The following GRM8 variants were observed in gnomAD, a reference collection of about 807,000 sequenced individuals.
The protein encoded by GRM8 is glutamate metabotropic receptor 8.
In GRM8, 47 loss-of-function variants were observed where a neutral mutation model predicts 87.2. That is an observed-to-expected ratio of 0.54 (90% CI 0.43 to 0.69). The LOEUF is 0.69. GRM8 is among the 30% of genes least tolerant of loss of function. The probability of loss-of-function intolerance (pLI) is 0.00; values close to 1 mark genes in which losing one functional copy is unlikely to be tolerated. For missense variants in GRM8, 1,019 were observed against 1,139.2 expected (o/e 0.89, Z 1.52); for synonymous variants, 396 against 404.5 (o/e 0.98, Z 0.25).
chr7:127,246,024 C>T (rs1292951933), intron 1 of GRM8, among the ~76,000 whole-genome samples: 2 of 152,064 alleles, frequency 1.3e-5, no homozygotes, highest in African/African-American at 4.8e-5. Flanking sequence ...TACTGAATTT[C>T]GTTTGTCACT....
chr7:126,474,188 G>C (rs1805630519), intron 9 of GRM8, among the ~76,000 whole-genome samples: 1 of 151,990 alleles, frequency 6.6e-6, no homozygotes, highest in Admixed American at 6.6e-5. Context: ...CAACTAAAAA[G>C]TATTTGCAAA....
At chr7:126,667,319 G>A (rs1200599293) in intron 7 of GRM8, among the ~76,000 whole-genome samples, 5 of 152,184 alleles carry the variant, frequency 3.3e-5, no homozygotes, top group Non-Finnish European at 5.9e-5. Context: ...GGAAGTAGCA[G>A]GAAGCAGGAT....
At chr7:126,715,327 AATT>A (rs1369141018) in intron 7 of GRM8, among the ~76,000 whole-genome samples, 1 of 152,150 alleles carries the variant, frequency 6.6e-6, no homozygotes, top group East Asian at 1.9e-4. Flanking sequence ...GTGGTTACAA[AATT>A]ATTACAGTAG....
chr7:126,455,427 TG>T (rs1803119310), intron 9 of GRM8, among the ~76,000 whole-genome samples: 1 of 151,492 alleles, frequency 6.6e-6, no homozygotes, highest in Admixed American at 6.6e-5. Flanking sequence ...CTAATAGATT[TG>T]GGCCAAATTT....
At chr7:126,586,778 T>G (rs1265679206) in intron 8 of GRM8, among the ~76,000 whole-genome samples, 3 of 152,254 alleles carry the variant, frequency 2.0e-5, no homozygotes, top group Non-Finnish European at 4.4e-5. Context: ...GGGCAAGGAC[T>G]TCATGTCTAA....
intron 6 of GRM8, among the ~76,000 whole-genome samples, chr7:126,853,559 T>G (rs143389497): frequency 6.1e-4 from 93 of 152,178 alleles, no homozygotes; most frequent in African/African-American, 2.2e-3. Flanking sequence ...GCATGACCCA[T>G]TCTACATAAG....
intron 3 of GRM8, among the ~76,000 whole-genome samples, chr7:127,033,009 C>T (rs1264811836): frequency 4.3e-5 from 6 of 139,952 alleles, no homozygotes; most frequent in Admixed American, 2.2e-4. Flanking sequence ...CTTTCGTTTC[C>T]TTTTTTTTTT....
chr7:126,976,935 G>A (rs1272890594), intron 3 of GRM8, among the ~76,000 whole-genome samples: 1 of 150,664 alleles, frequency 6.6e-6, no homozygotes, highest in African/African-American at 2.4e-5. Flanking sequence ...CCTTGATTTA[G>A]TTGCATAATG....
At chr7:127,182,280 C>T (rs1183308571) in intron 2 of GRM8, among the ~76,000 whole-genome samples, 1 of 152,012 alleles carries the variant, frequency 6.6e-6, no homozygotes, top group Non-Finnish European at 1.5e-5. Context: ...AAATGCAAAC[C>T]AAAACCACAA....
rs11395818 is a variant in GRM8, at chr7:126,987,445, G to GTT, written c.728-82764_728-82763dup. 8.2e-3 allele frequency among the ~76,000 whole-genome samples: 1,213 copies of GTT among 148,570 alleles called. 35 individuals carry two copies. In the East Asian group the frequency reaches 0.11, roughly 13 times the overall value. The stretch of plus-strand genomic sequence containing the variant: ...GGACAAGAAGCATATCTTGTTCACA[G>GTT]TTTTTTTTTTTGTTTTTTGTTTGTT... On this transcript the variant is annotated intron_variant, in intron 3 of 10. Coordinates refer to ENST00000339582, the MANE Select transcript of GRM8 (RefSeq NM_000845.3).
chr7:126,590,652 C>G (rs1796588703), intron 8 of GRM8, among the ~76,000 whole-genome samples: 1 of 152,066 alleles, frequency 6.6e-6, no homozygotes, highest in African/African-American at 2.4e-5. Flanking sequence ...AAAGGAAAAC[C>G]TATCAGATTA....
At chr7:127,181,427 CA>C (rs1405941892) in intron 2 of GRM8, among the ~76,000 whole-genome samples, 1 of 151,954 alleles carries the variant, frequency 6.6e-6, no homozygotes, top group African/African-American at 2.4e-5. Flanking sequence ...CTGCCAAAAG[CA>C]ATCTATACAT....
At chr7:127,212,661 C>T (rs2116643387) in intron 2 of GRM8, among the ~76,000 whole-genome samples, 1 of 152,222 alleles carries the variant, frequency 6.6e-6, no homozygotes, top group African/African-American at 2.4e-5. Context: ...TCGTGATCCG[C>T]CCGCCTCGGC....
At chr7:126,776,878 A>G (rs982971868) in intron 6 of GRM8, among the ~76,000 whole-genome samples, 2 of 152,130 alleles carry the variant, frequency 1.3e-5, no homozygotes, top group Non-Finnish European at 2.9e-5. Flanking sequence ...CTTATTTCTA[A>G]CTGCTTCCTC....
At chr7:127,223,728 G>A (rs375867787) in intron 2 of GRM8, among the ~76,000 whole-genome samples, 2 of 151,986 alleles carry the variant, frequency 1.3e-5, no homozygotes, top group African/African-American at 4.8e-5. Context: ...AGGTCACATG[G>A]AGAACCATAA....
chr7:127,238,829 A>C (rs1376686932), intron 2 of GRM8, among the ~76,000 whole-genome samples: 1 of 152,226 alleles, frequency 6.6e-6, no homozygotes, highest in Non-Finnish European at 1.5e-5. Flanking sequence ...ATTCCAGCAG[A>C]GGAGGTGGCT....
At chr7:126,473,384 A>G (rs1805524326) in intron 9 of GRM8, among the ~76,000 whole-genome samples, 1 of 152,042 alleles carries the variant, frequency 6.6e-6, no homozygotes, top group South Asian at 2.1e-4. Flanking sequence ...TGACAGTCCT[A>G]CTGGATTTCA....
At chr7:126,866,513 TA>T (rs1216949457) in intron 6 of GRM8, among the ~76,000 whole-genome samples, 1 of 151,848 alleles carries the variant, frequency 6.6e-6, no homozygotes, top group Non-Finnish European at 1.5e-5. Context: ...CAAAGATTTA[TA>T]CTTTTTTTCC....
chr7:126,805,783 G>C (rs942320251), intron 6 of GRM8, among the ~76,000 whole-genome samples: 2 of 152,206 alleles, frequency 1.3e-5, no homozygotes, highest in African/African-American at 2.4e-5. Context: ...TCATTCTTCT[G>C]TGTCGGACTG....
Sources: allele counts gnomAD v4.1 joint callset (sites outside exome capture counted in the v4.1 genomes callset), GRCh38; gene constraint gnomAD v4.1.1; transcripts MANE v1.5; gene names NCBI Gene and HGNC (gene_info 2026-07-23, HGNC 2026-07-21).